The following GRM8 variants were observed in gnomAD, a reference collection of about 807,000 sequenced individuals.
GRM8 encodes glutamate metabotropic receptor 8, also known as metabotropic glutamate receptor 8.
A neutral mutation model predicts 87.2 loss-of-function variants in GRM8; 47 were observed. That is an observed-to-expected ratio of 0.54 (90% CI 0.43 to 0.69). The LOEUF (loss-of-function observed/expected upper bound fraction) is 0.69, where lower values mean the gene tolerates loss of function less well. Among genes scored for constraint, GRM8 ranks in the 30% least tolerant of loss-of-function variants. The probability of loss-of-function intolerance (pLI) is 0.00; values close to 1 mark genes in which losing one functional copy is unlikely to be tolerated. For synonymous variants in GRM8, 396 were observed against 404.5 expected (o/e 0.98, Z 0.25); for missense variants, 1,019 against 1,139.2 (o/e 0.89, Z 1.52).
At chr7:127,067,149 C>T (rs1322870389) in intron 3 of GRM8, among the ~76,000 whole-genome samples, 1 of 152,158 alleles carries the variant, frequency 6.6e-6, no homozygotes, top group African/African-American at 2.4e-5. Context: ...CATGTGAGGG[C>T]CCTGTTGCCC....
chr7:127,010,524 GA>G (rs1274902310), intron 3 of GRM8, among the ~76,000 whole-genome samples: 1 of 152,084 alleles, frequency 6.6e-6, no homozygotes, highest in Non-Finnish European at 1.5e-5. Flanking sequence ...ACTGTAAAGA[GA>G]AAACCATCTA....
chr7:127,093,368 A>C (rs895013133), intron 3 of GRM8, among the ~76,000 whole-genome samples: 24 of 152,166 alleles, frequency 1.6e-4, no homozygotes, highest in Admixed American at 1.3e-4. Flanking sequence ...ATATCAGCTC[A>C]CGTGAATAAT....
chr7:126,469,477 C>T (rs1804895395), intron 9 of GRM8, among the ~76,000 whole-genome samples: 1 of 152,110 alleles, frequency 6.6e-6, no homozygotes. Flanking sequence ...TGAACTGTAG[C>T]TCCCACAATC....
At chr7:126,844,441 T>A (rs1796534078) in intron 6 of GRM8, among the ~76,000 whole-genome samples, 2 of 152,142 alleles carry the variant, frequency 1.3e-5, no homozygotes, top group Non-Finnish European at 2.9e-5. Flanking sequence ...TGCTGAAACT[T>A]TTCTTCTTTT....
intron 2 of GRM8, among the ~76,000 whole-genome samples, chr7:127,126,586 A>G (rs1281223251): frequency 1.3e-5 from 2 of 152,040 alleles, no homozygotes; most frequent in Non-Finnish European, 2.9e-5. Flanking sequence ...TAATATGTCC[A>G]TGTAACAAAA....
intron 3 of GRM8, chr7:126,981,652 A>G (rs919968091): frequency 3.9e-5 from 6 of 152,212 alleles, no homozygotes; most frequent in Admixed American, 2.6e-4. Flanking sequence ...CCTACTTCTC[A>G]ATACCGACAC....
chr7:126,736,604 T>G (rs542572011), intron 7 of GRM8, among the ~76,000 whole-genome samples: 1 of 152,210 alleles, frequency 6.6e-6, no homozygotes, highest in African/African-American at 2.4e-5. Flanking sequence ...TTTAAATATT[T>G]CTAACCTTTG....
intron 9 of GRM8, among the ~76,000 whole-genome samples, chr7:126,481,872 GAGA>G (rs762411535): frequency 1.3e-5 from 2 of 152,060 alleles, no homozygotes; most frequent in Non-Finnish European, 2.9e-5. Context: ...GGAAAGCTGG[GAGA>G]AGGACGAAGG....
chr7:126,667,879 G>C (rs1805946245), intron 7 of GRM8, among the ~76,000 whole-genome samples: 1 of 152,216 alleles, frequency 6.6e-6, no homozygotes. Context: ...AGGACAGGAT[G>C]CAAGAGCAAC....
intron 3 of GRM8, among the ~76,000 whole-genome samples, chr7:126,988,438 T>C (rs1812325193): frequency 6.6e-6 from 1 of 152,236 alleles, no homozygotes; most frequent in South Asian, 2.1e-4. Flanking sequence ...AGTGATAGAA[T>C]TTAGTTATAA....
chr7:126,926,251 G>T (rs941424775), intron 3 of GRM8, among the ~76,000 whole-genome samples: 2 of 152,098 alleles, frequency 1.3e-5, no homozygotes, highest in Non-Finnish European at 2.9e-5. Flanking sequence ...AAATGTAAAA[G>T]ACTATAGATA....
chr7:126,861,189 C>T (rs1798105074), intron 6 of GRM8, among the ~76,000 whole-genome samples: 1 of 151,932 alleles, frequency 6.6e-6, no homozygotes. Flanking sequence ...TTTTATTTTC[C>T]CTCATATGTA....
chr7:126,827,489 G>A (rs1794933406), intron 6 of GRM8, among the ~76,000 whole-genome samples: 1 of 152,160 alleles, frequency 6.6e-6, no homozygotes, highest in Non-Finnish European at 1.5e-5. Flanking sequence ...GTGAATGGGA[G>A]TTCACTCATG....
chr7:126,698,921 G>T (rs182752008), intron 7 of GRM8, among the ~76,000 whole-genome samples: 5 of 152,314 alleles, frequency 3.3e-5, no homozygotes, highest in African/African-American at 1.2e-4. Flanking sequence ...AGGAGAAAGT[G>T]TCTTTCTAGC....
intron 2 of GRM8, among the ~76,000 whole-genome samples, 169 bp from the exon 3 acceptor site, chr7:127,106,881 C>T (rs1357226849): frequency 6.6e-6 from 1 of 152,146 alleles, no homozygotes; most frequent in Non-Finnish European, 1.5e-5. Flanking sequence ...TTTGAATGGC[C>T]CATAGGCTTA....
At chr7:126,961,795 T>C (rs1809352343) in intron 3 of GRM8, among the ~76,000 whole-genome samples, 1 of 152,230 alleles carries the variant, frequency 6.6e-6, no homozygotes, top group African/African-American at 2.4e-5. Flanking sequence ...ATTTTTTGAT[T>C]GGACATCTGA....
chr7:127,015,246 A>AGAG (rs1815522217), intron 3 of GRM8, among the ~76,000 whole-genome samples: 1 of 124,890 alleles, frequency 8.0e-6, no homozygotes, highest in African/African-American at 3.0e-5. Context: ...AAGAAGAAGA[A>AGAG]GAAGAAGAAG....
At chr7:126,656,139 A>G (rs1423351172) in intron 7 of GRM8, among the ~76,000 whole-genome samples, 2 of 152,206 alleles carry the variant, frequency 1.3e-5, no homozygotes, top group African/African-American at 4.8e-5. Context: ...AATAATAACA[A>G]TAAAATAATT....
intron 6 of GRM8, among the ~76,000 whole-genome samples, chr7:126,884,791 A>G (rs894889380): frequency 2.0e-5 from 3 of 152,186 alleles, no homozygotes; most frequent in African/African-American, 7.2e-5. Flanking sequence ...TTACAATTTA[A>G]TAAGAGATAA....
Sources: allele counts gnomAD v4.1 joint callset (sites outside exome capture counted in the v4.1 genomes callset), GRCh38; gene constraint gnomAD v4.1.1; transcripts MANE v1.5; gene names NCBI Gene and HGNC (gene_info 2026-07-23, HGNC 2026-07-21).